Variants in LAPTM4B observed in about 807,000 individuals in gnomAD.
LAPTM4B encodes lysosomal protein transmembrane 4 beta, also known as lysosomal-associated transmembrane protein 4B.
A neutral mutation model predicts 28.5 loss-of-function variants in LAPTM4B; 26 were observed. The observed-to-expected ratio is 0.91, with a 90% CI of 0.67 to 1.27. The LOEUF (loss-of-function observed/expected upper bound fraction) is 1.27. Among genes scored for constraint, LAPTM4B ranks in the 50% most tolerant of loss-of-function variants. The probability of loss-of-function intolerance (pLI) is 0.00; values close to 1 mark genes in which losing one functional copy is unlikely to be tolerated. For missense variants in LAPTM4B, 288 were observed against 285.8 expected (o/e 1.01, Z -0.06); for synonymous variants, 109 against 106.4 (o/e 1.02, Z -0.15).
chr8:97,827,171 A>G (rs940622231), intron 6 of LAPTM4B, among the ~76,000 whole-genome samples: 2 of 152,198 alleles, frequency 1.3e-5, no homozygotes, highest in African/African-American at 2.4e-5. Context: ...CTTCATAGCC[A>G]TTGTTAGTCT....
intron 5 of LAPTM4B, among the ~76,000 whole-genome samples, chr8:97,823,436 G>T (rs985549169): frequency 6.7e-6 from 1 of 149,492 alleles, no homozygotes; most frequent in Non-Finnish European, 1.5e-5. Flanking sequence ...GTGCAGTGGC[G>T]CAATCTCGGC....
intron 6 of LAPTM4B, among the ~76,000 whole-genome samples, chr8:97,850,911 T>C (rs950124969): frequency 6.6e-5 from 10 of 151,264 alleles, no homozygotes; most frequent in African/African-American, 9.8e-5. Context: ...CCTTATTTCA[T>C]AGACATGGAA....
chr8:97,795,136 G>C (rs1249579654), intron 1 of LAPTM4B, among the ~76,000 whole-genome samples: 4 of 152,176 alleles, frequency 2.6e-5, no homozygotes, highest in Non-Finnish European at 5.9e-5. Flanking sequence ...ATCTCACTTT[G>C]TCACTCAGAG....
chr8:97,843,560 C>T (rs1817383287), intron 6 of LAPTM4B, among the ~76,000 whole-genome samples: 2 of 152,110 alleles, frequency 1.3e-5, no homozygotes, highest in South Asian at 4.1e-4. Context: ...AGCAGGTCAC[C>T]TGAGGTTAGG....
chr8:97,817,212 G>A (rs1372544663), intron 4 of LAPTM4B, among the ~76,000 whole-genome samples: 1 of 151,008 alleles, frequency 6.6e-6, no homozygotes. Context: ...GCTTGCTGCA[G>A]CGTTGACCTC....
At chr8:97,801,266 C>T (rs1054194178) in intron 1 of LAPTM4B, among the ~76,000 whole-genome samples, 4 of 151,396 alleles carry the variant, frequency 2.6e-5, no homozygotes, top group Non-Finnish European at 5.9e-5. Flanking sequence ...GCCATCTCCG[C>T]CCCCCACTGG....
At chr8:97,840,748 G>A (rs1817334290) in intron 6 of LAPTM4B, among the ~76,000 whole-genome samples, 1 of 152,184 alleles carries the variant, frequency 6.6e-6, no homozygotes, top group African/African-American at 2.4e-5. Context: ...CACTTAGAAG[G>A]TTGCACAGCG....
rs761478917 is a variant in LAPTM4B, at chr8:97,850,465, G to GGT, written c.604-909_604-908dup. Reference sequence around the variant, plus strand: ...GAAGTGTGTAGAGCTGGAGAGGAGGGGTGTGTGTGTGTGTGTGTGTGTGTT... The same window carrying GGT: ...GAAGTGTGTAGAGCTGGAGAGGAGGGGTGTGTGTGTGTGTGTGTGTGTGTGTT... On this transcript the variant is annotated intron_variant, in intron 6 of 6. Transcript: ENST00000521545. 9.3e-3 allele frequency among the ~76,000 whole-genome samples: 353 copies of GGT among 37,866 alleles called. 4 individuals are homozygous for GGT. Among genetic ancestry groups the GGT allele is most frequent in the Admixed American group, 0.017 (93 of 5,344 alleles). The allele number at this position is 37,866 out of a possible 152,430, so 24.8% of individuals were successfully genotyped here.
Position 97,811,832 on chromosome 8 carries a change from G to T in LAPTM4B, c.212-3496G>T, listed in dbSNP as rs1243673247. ...TTTGTATTTTATTTTTTGAGACAGG[G>T]TCTTGCTCTGTCGCCCAGGCTGGAG... is the stretch of plus-strand genomic sequence containing the variant. On this transcript the variant is annotated intron_variant, in intron 2 of 6. Coordinates refer to ENST00000521545, the MANE Select transcript of LAPTM4B (RefSeq NM_018407.6). Among the ~76,000 whole-genome samples, 4 of 152,234 alleles carry T rather than the reference G, an allele frequency of 2.6e-5. No individual in the cohort carries two copies. The East Asian group carries it at 7.7e-4, about 29-fold the overall frequency.
intron 6 of LAPTM4B, among the ~76,000 whole-genome samples, chr8:97,845,048 A>T (rs1817406748): frequency 2.0e-5 from 3 of 152,048 alleles, no homozygotes; most frequent in African/African-American, 7.2e-5. Context: ...TCTTTCACTC[A>T]TTTCTTCTGT....
chr8:97,781,278 C>A (rs1280003233), intron 1 of LAPTM4B, among the ~76,000 whole-genome samples: 12 of 50,828 alleles, frequency 2.4e-4, no homozygotes, highest in African/African-American at 4.4e-4. Context: ...TGTGCCCGGC[C>A]TTTTTTTTTT....
chr8:97,809,059 T>C (rs1816792797), intron 2 of LAPTM4B, among the ~76,000 whole-genome samples: 1 of 152,142 alleles, frequency 6.6e-6, no homozygotes, highest in African/African-American at 2.4e-5. Flanking sequence ...GGAATTAACA[T>C]CCAGGACATT....
intron 2 of LAPTM4B, 57 bp from the exon 3 acceptor site, chr8:97,815,271 C>A: frequency 7.9e-7 from 1 of 1,270,580 alleles, no homozygotes. Context: ...TGAAAGTATT[C>A]AGTGGATCCA....
intron 1 of LAPTM4B, among the ~76,000 whole-genome samples, chr8:97,790,051 CATT>C (rs1335776022): frequency 6.6e-6 from 1 of 152,206 alleles, no homozygotes; most frequent in Admixed American, 6.5e-5. Context: ...GACAAGATCT[CATT>C]ATGGCTGAAT....
rs1249390673 is a variant in LAPTM4B, at chr8:97,826,669, C to T, written c.603+1516C>T. Reference sequence around the variant, plus strand: ...GATTATAGGTGCCCACCACCACGCCCGGCTAATTTTTGTATTTTCAGTAGA... The same window carrying T: ...GATTATAGGTGCCCACCACCACGCCTGGCTAATTTTTGTATTTTCAGTAGA... On this transcript the variant is annotated intron_variant, in intron 6 of 6. Coordinates refer to ENST00000521545, the MANE Select transcript of LAPTM4B (RefSeq NM_018407.6). Among the ~76,000 whole-genome samples the T allele has an allele frequency of 2.6e-5, 4 of 152,072 alleles. No homozygotes were observed. The East Asian group carries it at 5.8e-4, about 22-fold the overall frequency.
rs1817550138 is a variant in LAPTM4B at position 97,852,790 on chromosome 8, T to G, written c.*1316T>G. The G allele has an allele frequency of 3.8e-6, 1 of 263,078 alleles. No individual in the cohort carries two copies. The highest frequency in any genetic ancestry group is 5.4e-5 in the Admixed American group (1 of 18,666). The allele number at this position is 263,078 out of a possible 1,614,324, so 16.3% of individuals were successfully genotyped here. Reference sequence around the variant, plus strand: ...GAAATGTTTAAGTGGATAACTATATTATTCATAAAATGACTGAGTGAAAAC... The same window carrying G: ...GAAATGTTTAAGTGGATAACTATATGATTCATAAAATGACTGAGTGAAAAC... On this transcript the variant is annotated 3_prime_UTR_variant, in exon 7 of 7. Transcript: ENST00000521545.
chr8:97,839,540 G>A (rs757958992), intron 6 of LAPTM4B, among the ~76,000 whole-genome samples: 3 of 152,110 alleles, frequency 2.0e-5, no homozygotes, highest in Non-Finnish European at 2.9e-5. Context: ...AATTATCTCC[G>A]AGCCATATAA....
intron 1 of LAPTM4B, among the ~76,000 whole-genome samples, chr8:97,800,178 C>A (rs1816648600): frequency 6.6e-6 from 1 of 152,106 alleles, no homozygotes; most frequent in African/African-American, 2.4e-5. Context: ...CAATTAGTAG[C>A]TATATATGAT....
chr8:97,839,481 C>A (rs1353399512), intron 6 of LAPTM4B, among the ~76,000 whole-genome samples: 1 of 152,202 alleles, frequency 6.6e-6, no homozygotes, highest in African/African-American at 2.4e-5. Context: ...GCGTGAACCA[C>A]TGCGCCCGGC....
Sources: gnomAD v4.1 joint callset for allele counts (sites outside exome capture counted in the v4.1 genomes callset) on GRCh38, gnomAD v4.1.1 for gene constraint, MANE v1.5 for transcripts, NCBI Gene and HGNC (gene_info 2026-07-23, HGNC 2026-07-21) for gene names.